Variants in SPTBN1 observed in about 807,000 individuals in gnomAD.
SPTBN1 encodes spectrin beta chain, non-erythrocytic 1.
In SPTBN1, 32 loss-of-function variants were observed where a neutral mutation model predicts 266.4. The observed-to-expected ratio is 0.12, with a 90% confidence interval of 0.09 to 0.16. The LOEUF is 0.16. Among genes scored for constraint, SPTBN1 ranks in the 10% least tolerant of loss-of-function variants. SPTBN1 has a pLI of 1.00. For missense variants in SPTBN1, 2,296 were observed against 3,067.1 expected (o/e 0.75, Z 5.94); for synonymous variants, 1,336 against 1,162.2 (o/e 1.15, Z -3.04).
rs535358717 is a variant in SPTBN1 at position 54,475,162 on chromosome 2, C to T, written c.-48+18644C>T. ...CAGAGGTTGCAGTGAGCTGAGATCG[C>T]GCCACTGCACTCCAGCCTGGGTGAC... On this transcript the variant is annotated intron_variant, in intron 1 of 35. Transcript: ENST00000356805. Among the ~76,000 whole-genome samples the T allele has an allele frequency of 6.6e-5, 10 of 152,172 alleles. No individual in the cohort carries two copies. In the South Asian group the frequency reaches 1.7e-3, roughly 25 times the overall value.
At position 54,646,329 on chromosome 2, in the gene SPTBN1, T is replaced by G. The variant is rs1025440910; in HGVS notation, c.4720T>G (p.Trp1574Gly). 1.3e-5 allele frequency: 21 copies of G among 1,614,086 alleles called. No individual in the cohort carries two copies. Among genetic ancestry groups the G allele is most frequent in the Non-Finnish European group, 1.8e-5 (21 of 1,180,010 alleles). ...RQRLADLKQL[W>G]GLLIEETEKR... The stretch of plus-strand genomic sequence containing the variant: ...GAGGCTTGCCGACCTGAAGCAGCTG[T>G]GGGGTCTCCTCATTGAGGAGACAGA... Residue 1574 changes from tryptophan (W) to glycine (G), a missense_variant, in exon 23 of 36, where the codon TGG becomes GGG. Trp to Gly is a radical substitution (Grantham distance 184). Around this residue, in one of 12 missense-constraint regions of SPTBN1, gnomAD observed 644 missense variants for 745.3 expected, o/e 0.86. Transcript: ENST00000356805. This position sits in a 1 kb window ranked among gnomAD's most constrained non-coding sequence, Gnocchi z 4.4.
intron 17 of SPTBN1, among the ~76,000 whole-genome samples, chr2:54,636,299 CAT>C (rs1242933545): frequency 6.6e-6 from 1 of 152,162 alleles, no homozygotes; most frequent in African/African-American, 2.4e-5. Context: ...TTGTGTCTAA[CAT>C]ATGCCTAATG....
At chr2:54,490,371 C>T (rs1460032123) in intron 1 of SPTBN1, among the ~76,000 whole-genome samples, 2 of 152,132 alleles carry the variant, frequency 1.3e-5, no homozygotes, top group Non-Finnish European at 2.9e-5. Flanking sequence ...AGTGCCTGGC[C>T]TGTTTATGAA....
In SPTBN1 at chr2:54,554,460, G is replaced by T. The variant is rs1453478550; in HGVS notation, c.148+27894G>T. Among the ~76,000 whole-genome samples, 2 of 152,184 alleles carry T rather than the reference G, an allele frequency of 1.3e-5. No homozygotes were observed. Among genetic ancestry groups the T allele is most frequent in the African/African-American group, 2.4e-5 (1 of 41,446 alleles). ...AAGTGTGATGGTTCTGGTTATTACG[G>T]CCATTCAGTTTAAGTGGAGATTGAT... On this transcript the variant is annotated intron_variant, in intron 2 of 35. Coordinates refer to ENST00000356805, the MANE Select transcript of SPTBN1 (RefSeq NM_003128.3). The surrounding 1 kb of genome is among the most constrained non-coding windows in gnomAD (Gnocchi z 4.5).
chr2:54,570,899 C>G (rs543193517), intron 2 of SPTBN1, among the ~76,000 whole-genome samples: 1 of 151,432 alleles, frequency 6.6e-6, no homozygotes, highest in African/African-American at 2.5e-5. Context: ...AGATTGCTAG[C>G]TTGAGTGTAT....
Position 54,500,790 on chromosome 2 carries a change from G to A in SPTBN1, c.-47-25582G>A, listed in dbSNP as rs577907574. On this transcript the variant is annotated intron_variant, in intron 1 of 35. Transcript: ENST00000356805. Reference sequence around the variant, plus strand: ...TAGCCTCAAGGGATCTGCCTGCCTTGGCTTCCCAAAGTGTTGGGATTATAG... The same window carrying A: ...TAGCCTCAAGGGATCTGCCTGCCTTAGCTTCCCAAAGTGTTGGGATTATAG... 3.3e-5 allele frequency among the ~76,000 whole-genome samples: 5 copies of A among 152,282 alleles called. No individual in the cohort carries two copies. The South Asian group carries it at 8.3e-4, about 25-fold the overall frequency.
intron 3 of SPTBN1, among the ~76,000 whole-genome samples, chr2:54,609,706 T>TG (rs1677087927): frequency 6.6e-6 from 1 of 152,072 alleles, no homozygotes; most frequent in Non-Finnish European, 1.5e-5. Flanking sequence ...GGGTTCTGGG[T>TG]GGGGGCATTA....
chr2:54,644,919 C>A lies in SPTBN1; in HGVS notation c.4270-310C>A, dbSNP rs1231507411. Among the ~76,000 whole-genome samples the A allele has an allele frequency of 3.3e-5, 5 of 152,180 alleles. No individual in the cohort carries two copies. In the South Asian group the frequency reaches 1.0e-3, roughly 32 times the overall value. On this transcript the variant is annotated intron_variant, in intron 20 of 35. Coordinates refer to ENST00000356805, the MANE Select transcript of SPTBN1 (RefSeq NM_003128.3). Reference sequence around the variant, plus strand: ...CTGCATTTTACACGAAAGAAATATTCTCATACTTTGTTGTTTAACATCGTG... The same window carrying A: ...CTGCATTTTACACGAAAGAAATATTATCATACTTTGTTGTTTAACATCGTG...
intron 3 of SPTBN1, among the ~76,000 whole-genome samples, chr2:54,608,642 G>A (rs1331392479): frequency 1.1e-4 from 17 of 152,036 alleles, no homozygotes; most frequent in Admixed American, 1.1e-3. Flanking sequence ...GCATGAGCTT[G>A]GTGTTGGTAC....
intron 2 of SPTBN1, among the ~76,000 whole-genome samples, chr2:54,595,022 C>T (rs1463183019): frequency 1.3e-5 from 2 of 151,960 alleles, no homozygotes; most frequent in African/African-American, 4.8e-5. Context: ...TTAGTAGAGA[C>T]AGAGTTTCAC....
chr2:54,630,035 CA>C lies in SPTBN1; in HGVS notation c.2807+7del. 1 of 1,612,708 alleles carries C rather than the reference CA, an allele frequency of 6.2e-7. No homozygotes were observed. The highest frequency in any genetic ancestry group is 8.5e-7 in the Non-Finnish European group (1 of 1,179,410). On this transcript the variant is annotated splice_region_variant and intron_variant, in intron 15 of 35. Transcript: ENST00000356805. ...CAGGACAAACTCAACACAAGGTGAGCACGTGGCCAGCAGTGTGCCAGCCTCC... is the reference window on the plus strand; with the variant it reads ...CAGGACAAACTCAACACAAGGTGAGCCGTGGCCAGCAGTGTGCCAGCCTCC...
chr2:54,668,680 A>AT lies in SPTBN1; in HGVS notation c.*126dup, dbSNP rs201990044. The AT allele has an allele frequency of 0.028, 15,174 of 549,410 alleles. 19 individuals are homozygous for AT. Among genetic ancestry groups the AT allele is most frequent in the South Asian group, 0.046 (2,002 of 43,182 alleles). 34.0% of individuals were successfully genotyped at this position (549,410 alleles called of 1,614,324 possible). A position where few individuals can be genotyped will look rare whatever the true frequency, so the allele number is the denominator to read the frequency against. ...TGCCTAATGTTCCTCAATGTGGTTG[A>AT]TTTTTTTTTTTTTTTAATTTATAGA... On this transcript the variant is annotated 3_prime_UTR_variant, in exon 36 of 36. Transcript: ENST00000356805.
Position 54,658,056 on chromosome 2 carries a change from C to T in SPTBN1, c.6243+10C>T, listed in dbSNP as rs763767599. 15 of 1,614,118 alleles carry T rather than the reference C, an allele frequency of 9.3e-6. No homozygotes were observed. Among genetic ancestry groups the T allele is most frequent in the Admixed American group, 6.7e-5 (4 of 60,030 alleles). ...GGAAAGGCTGACTACAGTAAGTGGC[C>T]GCTGGGCCCTTTGTCTGTTGGTGCC... On this transcript the variant is annotated intron_variant, in intron 30 of 35. Transcript: ENST00000356805.
At position 54,626,054 on chromosome 2, in the gene SPTBN1, C is replaced by A; in HGVS notation, c.1464C>A (p.Leu488=). The A allele has an allele frequency of 6.2e-7, 1 of 1,614,126 alleles. No individual in the cohort carries two copies. Among genetic ancestry groups the A allele is most frequent in the Admixed American group, 1.7e-5 (1 of 60,026 alleles). Residue 488 remains leucine (L), a synonymous_variant, in exon 12 of 36, where the codon CTC becomes CTA. Transcript: ENST00000356805. This position sits in a 1 kb window ranked among gnomAD's most constrained non-coding sequence, Gnocchi z 4.7. The part of the protein sequence containing the change: ...VQAVVAVARE[L]EAENYHDIKR... ...CTGTGGTAGCCGTGGCCAGGGAGCT[C>A]GAGGCCGAGAATTACCACGACATCA...
intron 1 of SPTBN1, among the ~76,000 whole-genome samples, chr2:54,485,481 G>A (rs1268996921): frequency 6.6e-6 from 1 of 152,188 alleles, no homozygotes; most frequent in Non-Finnish European, 1.5e-5. Context: ...ACGGAGTCTC[G>A]TTCACTCAGT....
At position 54,526,809 on chromosome 2, in the gene SPTBN1, G is replaced by T. The variant is rs765949945; in HGVS notation, c.148+243G>T. ...TGTTATTTATAGCAATTCAAGAACA[G>T]CTGCCCTAAGTTTGTAAGAATTCTT... On this transcript the variant is annotated intron_variant, in intron 2 of 35. Transcript: ENST00000356805. 8.3e-6 allele frequency: 3 copies of T among 360,276 alleles called. No individual in the cohort carries two copies. The East Asian group carries it at 1.4e-4, about 17-fold the overall frequency. The allele number at this position is 360,276 out of a possible 1,614,324, so 22.3% of individuals were successfully genotyped here. A position where few individuals can be genotyped will look rare whatever the true frequency, so the allele number is the denominator to read the frequency against.
rs756459309 is a variant in SPTBN1, at chr2:54,655,112, C to A, written c.5865C>A (p.Gly1955=). The A allele has an allele frequency of 6.2e-7, 1 of 1,614,112 alleles. No homozygotes were observed. The highest frequency in any genetic ancestry group is 1.3e-5 in the African/African-American group (1 of 75,054). The stretch of plus-strand genomic sequence containing the variant: ...AACTCTTAATGAATAATCATCAAGG[C>A]ATCAAAGCTGAAATTGATGCACGTA... ...SVELLMNNHQ[G]IKAEIDARND... is the part of the protein sequence containing the mutation. The change falls in exon 28 of 36, where the codon GGC becomes GGA. Residue 1955 remains glycine, a synonymous_variant. Coordinates refer to ENST00000356805, the MANE Select transcript of SPTBN1 (RefSeq NM_003128.3).
At chr2:54,565,918 G>A (rs1673628123) in intron 2 of SPTBN1, among the ~76,000 whole-genome samples, 1 of 152,212 alleles carries the variant, frequency 6.6e-6, no homozygotes, top group African/African-American at 2.4e-5. Context: ...ATATAGTACA[G>A]CAATTCAAGT....
intron 1 of SPTBN1, among the ~76,000 whole-genome samples, chr2:54,498,909 A>T (rs1221320460): frequency 6.6e-6 from 1 of 152,210 alleles, no homozygotes; most frequent in African/African-American, 2.4e-5. Flanking sequence ...CTAGTGGTTA[A>T]GGAACTTTAT....
Sources: allele counts gnomAD v4.1 joint callset (sites outside exome capture counted in the v4.1 genomes callset), GRCh38; gene constraint gnomAD v4.1.1; regional missense constraint gnomAD v4.1.1; non-coding constraint Gnocchi (gnomAD v3.1); transcripts MANE v1.5; gene names NCBI Gene and HGNC (gene_info 2026-07-23, HGNC 2026-07-21).